The following CRYBB2 variants were observed in gnomAD, a reference collection of about 807,000 sequenced individuals.
CRYBB2 encodes beta-crystallin B2.
Under a neutral mutation model 24.3 loss-of-function variants are expected in CRYBB2, and 12 were observed. That is an observed-to-expected ratio of 0.49 (90% CI 0.32 to 0.80). CRYBB2 has a LOEUF of 0.80. CRYBB2 is among the 30% of genes least tolerant of loss of function. The pLI is 0.04. For synonymous variants in CRYBB2, 98 were observed against 101.6 expected, an observed-to-expected ratio of 0.96 and a Z score of 0.21; for missense variants, 198 against 268.5, an observed-to-expected ratio of 0.74 and a Z score of 1.83.
At chr22:25,228,731 C>T (rs1392195444) in intron 4 of CRYBB2, among the ~76,000 whole-genome samples, 1 of 152,228 alleles carries the variant, frequency 6.6e-6, no homozygotes, top group Non-Finnish European at 1.5e-5. Context: ...GCCGCGCTTT[C>T]CTCATCTGCT....
chr22:25,231,465 T>G, intron 5 of CRYBB2, 139 bp from the exon 6 acceptor site: 1 of 825,586 alleles, frequency 1.2e-6, no homozygotes, highest in Middle Eastern at 3.5e-4. Flanking sequence ...CTGCTTACCC[T>G]TGGGAAGTGG....
upstream of CRYBB2, among the ~76,000 whole-genome samples, chr22:25,218,820 A>AAGAAAGAAAAGAAAGAAAGAAAG (rs1935266273): frequency 1.1e-5 from 1 of 91,088 alleles, no homozygotes; most frequent in African/African-American, 5.3e-5. Context: ...GAAAGAAAGA[A>AAGAAAGAAAAGAAAGAAAGAAAG]AGAAAGAAAG....
intron 1 of CRYBB2, among the ~76,000 whole-genome samples, chr22:25,220,959 G>C (rs1935309394): frequency 6.6e-6 from 1 of 152,178 alleles, no homozygotes; most frequent in Non-Finnish European, 1.5e-5. Context: ...AGGGAACTTT[G>C]TGAGTTCCTA....
upstream of CRYBB2, among the ~76,000 whole-genome samples, chr22:25,214,865 G>A (rs866156082): frequency 1.5e-4 from 23 of 152,266 alleles, no homozygotes; most frequent in Non-Finnish European, 3.2e-4. Context: ...GAGCCTTTGG[G>A]CAAGAAAGTC....
upstream of CRYBB2, among the ~76,000 whole-genome samples, chr22:25,214,808 A>T (rs541235670): frequency 6.6e-6 from 1 of 152,310 alleles, no homozygotes; most frequent in South Asian, 2.1e-4. Context: ...GAGTCTACAA[A>T]TCCTGATCTC....
intron 2 of CRYBB2, 137 bp downstream of exon 2, chr22:25,221,620 T>C (rs1935323538): frequency 4.5e-6 from 3 of 673,824 alleles, no homozygotes; most frequent in Non-Finnish European, 5.4e-6. Context: ...CAGTCTCCTC[T>C]ACCCACACAG....
In CRYBB2 at chr22:25,226,863, G is replaced by A. The variant is rs141222467; in HGVS notation, c.174-990G>A. Among the ~76,000 whole-genome samples, 804 of 152,226 alleles carry A rather than the reference G, an allele frequency of 5.3e-3. 20 individuals carry two copies. The East Asian group carries it at 0.074, about 14-fold the overall frequency. On this transcript the variant is annotated intron_variant, in intron 3 of 5. Transcript: ENST00000398215. Reference sequence around the variant, plus strand: ...AACTTTTTGTGTTTTTAGTAGAGACGGAGTTTCACCATGTTGGCCAGGATG... The same window carrying A: ...AACTTTTTGTGTTTTTAGTAGAGACAGAGTTTCACCATGTTGGCCAGGATG...
At chr22:25,216,447 C>G (rs534612639), upstream of CRYBB2, among the ~76,000 whole-genome samples, 2 of 152,288 alleles carry the variant, frequency 1.3e-5, no homozygotes, top group Admixed American at 1.3e-4. Flanking sequence ...TAAAGTGATG[C>G]ACCTCCCATC....
intron 2 of CRYBB2, 74 bp from the exon 3 acceptor site, chr22:25,224,844 C>T: frequency 1.2e-6 from 1 of 849,220 alleles, no homozygotes; most frequent in Non-Finnish European, 2.1e-6. Context: ...CTCTGAGCTC[C>T]CTCCCCACGT....
chr22:25,216,146 AT>A (rs36046171), upstream of CRYBB2, among the ~76,000 whole-genome samples: 27,565 of 152,146 alleles, frequency 0.18, 3,001 homozygotes, highest in Admixed American at 0.25. Context: ...TCTTGAATCC[AT>A]TCATTTACTC....
intron 2 of CRYBB2, among the ~76,000 whole-genome samples, chr22:25,222,051 C>T (rs375624058): frequency 6.6e-6 from 1 of 152,238 alleles, no homozygotes; most frequent in South Asian, 2.1e-4. Flanking sequence ...CACCCAAGGG[C>T]GGCAGGATCT....
chr22:25,212,453 C>G (rs1857097031), upstream of CRYBB2, among the ~76,000 whole-genome samples: 2 of 152,240 alleles, frequency 1.3e-5, no homozygotes, highest in Admixed American at 1.3e-4. Context: ...AGAGCTGGCT[C>G]TGTGGTCACT....
intron 2 of CRYBB2, 61 bp from the exon 3 acceptor site, chr22:25,224,857 A>G: frequency 1.1e-6 from 1 of 921,148 alleles, no homozygotes; most frequent in Non-Finnish European, 1.8e-6. Flanking sequence ...CCCCACGTCT[A>G]CCACCCAGTT....
intron 3 of CRYBB2, among the ~76,000 whole-genome samples, chr22:25,225,277 C>T (rs531139950): frequency 2.6e-5 from 4 of 152,306 alleles, no homozygotes; most frequent in East Asian, 3.9e-4. Flanking sequence ...TCAGTTTCCT[C>T]CTCTGTAGGA....
chr22:25,228,017 C>G (rs1457389003), intron 4 of CRYBB2, 32 bp downstream of exon 4: 1 of 1,613,866 alleles, frequency 6.2e-7, no homozygotes, highest in South Asian at 1.1e-5. Context: ...TACTCCCTCT[C>G]TCTGCCCATC....
chr22:25,218,833 AG>A (rs1935269323), upstream of CRYBB2, among the ~76,000 whole-genome samples: 6 of 114,590 alleles, frequency 5.2e-5, no homozygotes, highest in Non-Finnish European at 8.8e-5. Flanking sequence ...AAAGAAAGAA[AG>A]AAAGAGAAAG....
Position 25,227,973 on chromosome 22 carries a change from G to A in CRYBB2, c.294G>A (p.Arg98=). 3.1e-6 allele frequency: 5 copies of A among 1,614,088 alleles called. No homozygotes were observed. The highest frequency in any genetic ancestry group is 4.2e-6 in the Non-Finnish European group (5 of 1,180,012). Residue 98 remains arginine (R), a synonymous_variant, in exon 4 of 6, where the codon AGG becomes AGA. Transcript: ENST00000398215. ...GGACGGACTCCCTCAGCTCCCTGAG[G>A]CCCATCAAAGTGGTGAGCCCCCTGC... is the stretch of plus-strand genomic sequence containing the variant. The part of the protein sequence containing the change: ...SRRTDSLSSL[R]PIKVDSQEHK...
Position 25,221,423 on chromosome 22 carries a change from G to A in CRYBB2, c.-7G>A, listed in dbSNP as rs754158947. On this transcript the variant is annotated 5_prime_UTR_variant, in exon 2 of 6. Coordinates refer to ENST00000398215, the MANE Select transcript of CRYBB2 (RefSeq NM_000496.3). The stretch of plus-strand genomic sequence containing the variant: ...TTCCAGGTCATTCCTGCACAGGACA[G>A]TCCACCATGGCCTCAGATCACCAGA... 1.9e-6 allele frequency: 3 copies of A among 1,613,374 alleles called. No individual in the cohort carries two copies. In the South Asian group the frequency reaches 3.3e-5, roughly 18 times the overall value.
intron 1 of CRYBB2, among the ~76,000 whole-genome samples, chr22:25,214,637 T>C (rs1365066730): frequency 6.6e-6 from 1 of 152,274 alleles, no homozygotes; most frequent in African/African-American, 2.4e-5. Context: ...GCGCTTTCTA[T>C]AATATTTGTA....
Sources: gnomAD v4.1 joint callset for allele counts (sites outside exome capture counted in the v4.1 genomes callset) on GRCh38, gnomAD v4.1.1 for gene constraint, MANE v1.5 for transcripts, NCBI Gene and HGNC (gene_info 2026-07-23, HGNC 2026-07-21) for gene names.